ZMAT4: variants seen among roughly 807,000 people sequenced by gnomAD.
ZMAT4 encodes the protein zinc finger matrin-type 4.
A neutral mutation model predicts 28.7 loss-of-function variants in ZMAT4; 17 were observed. The ratio of observed to expected loss-of-function variants is 0.59; its 90% CI spans 0.41 to 0.89. ZMAT4 has a LOEUF of 0.89. Ranked by LOEUF, ZMAT4 falls within the 40% of genes least tolerant of loss-of-function variation. The pLI is 0.00. For missense variants in ZMAT4, 240 were observed against 283.8 expected (o/e 0.85, Z 1.11); for synonymous variants, 117 against 109.2 (o/e 1.07, Z -0.44).
At chr8:40,685,520 G>A (rs1585876296) in intron 4 of ZMAT4, among the ~76,000 whole-genome samples, 1 of 152,230 alleles carries the variant, frequency 6.6e-6, no homozygotes, top group East Asian at 1.9e-4. Context: ...ACTATGGCTT[G>A]GTCAAAAATT....
chr8:40,589,649 T>TCC (rs1216823978), intron 5 of ZMAT4, among the ~76,000 whole-genome samples: 3 of 152,172 alleles, frequency 2.0e-5, no homozygotes, highest in African/African-American at 4.8e-5. Context: ...TTGATCTTTG[T>TCC]AACTGCGCTA....
intron 5 of ZMAT4, among the ~76,000 whole-genome samples, chr8:40,645,260 TG>T (rs1437534059): frequency 1.3e-5 from 2 of 152,150 alleles, no homozygotes; most frequent in Non-Finnish European, 2.9e-5. Flanking sequence ...TAAAATAAAA[TG>T]TTTATTTAGA....
chr8:40,752,589 C>T (rs953259784), intron 3 of ZMAT4, among the ~76,000 whole-genome samples: 7 of 152,172 alleles, frequency 4.6e-5, no homozygotes, highest in Non-Finnish European at 7.3e-5. Context: ...CCTGTGACCG[C>T]GGGACGGGAC....
At chr8:40,814,223 T>C (rs1164524183) in intron 2 of ZMAT4, among the ~76,000 whole-genome samples, 2 of 152,236 alleles carry the variant, frequency 1.3e-5, no homozygotes, top group Admixed American at 1.3e-4. Flanking sequence ...AGCACACTGT[T>C]CTCAGCACCT....
intron 6 of ZMAT4, among the ~76,000 whole-genome samples, chr8:40,555,529 T>C (rs1378370651): frequency 6.6e-6 from 1 of 152,168 alleles, no homozygotes; most frequent in Non-Finnish European, 1.5e-5. Context: ...ATTCTCATAG[T>C]CCCATGAAAC....
intron 5 of ZMAT4, among the ~76,000 whole-genome samples, chr8:40,647,742 C>T (rs965695639): frequency 6.6e-6 from 1 of 152,184 alleles, no homozygotes; most frequent in Non-Finnish European, 1.5e-5. Flanking sequence ...AACGGACAGA[C>T]TGCCTCCTCA....
At chr8:40,885,937 C>T (rs766902424) in intron 1 of ZMAT4, among the ~76,000 whole-genome samples, 4 of 152,202 alleles carry the variant, frequency 2.6e-5, no homozygotes, top group Non-Finnish European at 5.9e-5. Flanking sequence ...ATGTGTTTGC[C>T]GTCCATCTCC....
At chr8:40,561,455 C>A (rs1585686085) in intron 6 of ZMAT4, among the ~76,000 whole-genome samples, 1 of 152,102 alleles carries the variant, frequency 6.6e-6, no homozygotes, top group African/African-American at 2.4e-5. Context: ...CATGTAAGCA[C>A]CAGGTTCTCC....
rs373418046 is a variant in ZMAT4 at position 40,682,737 on chromosome 8, T to A, written c.350-7806A>T. Reference sequence around the variant, plus strand: ...AATCAGCCTATTAACAGAAGTTGCTTCTTTACCCACACTGCATTCATATAT... The same window carrying A: ...AATCAGCCTATTAACAGAAGTTGCTACTTTACCCACACTGCATTCATATAT... On this transcript the variant is annotated intron_variant, in intron 4 of 6. Coordinates refer to ENST00000297737, the MANE Select transcript of ZMAT4 (RefSeq NM_024645.3). Among the ~76,000 whole-genome samples the A allele has an allele frequency of 4.6e-5, 7 of 152,338 alleles. No homozygotes were observed. The East Asian group carries it at 1.2e-3, about 25-fold the overall frequency.
chr8:40,748,849 A>G (rs1328621772), intron 3 of ZMAT4, among the ~76,000 whole-genome samples: 1 of 152,034 alleles, frequency 6.6e-6, no homozygotes, highest in Non-Finnish European at 1.5e-5. Context: ...ACTCCCTATC[A>G]GATATGGTTT....
At chr8:40,738,660 TGC>T (rs1186777864) in intron 3 of ZMAT4, among the ~76,000 whole-genome samples, 1 of 152,096 alleles carries the variant, frequency 6.6e-6, no homozygotes, top group African/African-American at 2.4e-5. Context: ...GGAAAGTCCT[TGC>T]GCGAAGAGAG....
intron 6 of ZMAT4, among the ~76,000 whole-genome samples, chr8:40,547,514 T>C (rs1235806844): frequency 6.6e-6 from 1 of 152,236 alleles, no homozygotes; most frequent in African/African-American, 2.4e-5. Flanking sequence ...TTATGAATCA[T>C]GTGACTTGGG....
At chr8:40,743,726 C>T (rs34817335) in intron 3 of ZMAT4, among the ~76,000 whole-genome samples, 15,157 of 152,114 alleles carry the variant, frequency 0.1, 931 homozygotes, top group East Asian at 0.18. Context: ...GCGGCCGATT[C>T]CGGCGTGAAG....
chr8:40,574,951 G>C (rs368000442), intron 6 of ZMAT4, among the ~76,000 whole-genome samples: 150 of 152,304 alleles, frequency 9.8e-4, no homozygotes, highest in African/African-American at 3.6e-3. Flanking sequence ...GATCTAAGCT[G>C]CTGCAGCATG....
At chr8:40,619,095 G>A (rs1448183760) in intron 5 of ZMAT4, among the ~76,000 whole-genome samples, 2 of 152,188 alleles carry the variant, frequency 1.3e-5, no homozygotes, top group Admixed American at 6.5e-5. Flanking sequence ...GTGATTGGTT[G>A]CTAGGAGAAG....
At chr8:40,619,519 G>C (rs192201200) in intron 5 of ZMAT4, among the ~76,000 whole-genome samples, 179 of 152,244 alleles carry the variant, frequency 1.2e-3, no homozygotes, top group Admixed American at 0.01. Flanking sequence ...AGTCCGGATG[G>C]GAAATGCAGG....
chr8:40,689,487 C>T (rs762907509), intron 4 of ZMAT4, among the ~76,000 whole-genome samples: 1 of 152,164 alleles, frequency 6.6e-6, no homozygotes, highest in Non-Finnish European at 1.5e-5. Flanking sequence ...TTAAAGAAAC[C>T]AATCTGAGCA....
intron 3 of ZMAT4, among the ~76,000 whole-genome samples, chr8:40,744,105 AAC>A (rs963456245): frequency 2.6e-5 from 4 of 152,186 alleles, no homozygotes; most frequent in African/African-American, 9.7e-5. Context: ...AGAATGAGAT[AAC>A]ACAGGCCTGT....
At chr8:40,812,905 C>T (rs1815378894) in intron 2 of ZMAT4, among the ~76,000 whole-genome samples, 1 of 150,116 alleles carries the variant, frequency 6.7e-6, no homozygotes, top group Non-Finnish European at 1.5e-5. Flanking sequence ...TGCACTCCAG[C>T]CTGGGCGACA....
Sources: allele counts gnomAD v4.1 joint callset (sites outside exome capture counted in the v4.1 genomes callset), GRCh38; gene constraint gnomAD v4.1.1; transcripts MANE v1.5; gene names NCBI Gene and HGNC (gene_info 2026-07-23, HGNC 2026-07-21).